MED16: variants seen among roughly 807,000 people sequenced by gnomAD.
MED16 encodes mediator of RNA polymerase II transcription subunit 16.
In MED16, 81 loss-of-function variants were observed where a neutral mutation model predicts 84.4. The observed-to-expected ratio is 0.96, with a 90% confidence interval of 0.80 to 1.15. The LOEUF (loss-of-function observed/expected upper bound fraction) is 1.15. Ranked by LOEUF, MED16 falls within the 50% of genes most tolerant of loss-of-function variation. MED16 has a pLI of 0.00. For missense variants in MED16, 1,585 were observed against 1,245.9 expected, an observed-to-expected ratio of 1.27 and a Z score of -4.10; for synonymous variants, 897 against 552.2, an observed-to-expected ratio of 1.62 and a Z score of -8.76.
At chr19:876,124 G>A (rs886668375) in intron 9 of MED16, among the ~76,000 whole-genome samples, 10 of 152,180 alleles carry the variant, frequency 6.6e-5, no homozygotes, top group African/African-American at 2.2e-4. Context: ...GGCAGGCTGT[G>A]CCGTGAATGG....
chr19:873,778 C>G (rs866023786), intron 10 of MED16, among the ~76,000 whole-genome samples, 196 bp from the exon 11 acceptor site: 5 of 152,194 alleles, frequency 3.3e-5, no homozygotes, highest in East Asian at 1.9e-4. Context: ...TGCCCCCCCC[C>G]GGGGGCCGCT....
chr19:886,130 G>A lies in MED16; in HGVS notation c.519C>T (p.Gly173=), dbSNP rs1015264376. The A allele has an allele frequency of 1.3e-6, 2 of 1,567,840 alleles. No homozygotes were observed. Among genetic ancestry groups the A allele is most frequent in the African/African-American group, 2.7e-5 (2 of 73,734 alleles). Residue 173 remains glycine, a synonymous_variant, in exon 5 of 16, where the codon GGC becomes GGT. Coordinates refer to ENST00000325464, the MANE Select transcript of MED16 (RefSeq NM_005481.3). Reference sequence around the variant, plus strand: ...CCGCGATCCAGCCCTCCATGGGCTTGCCGCCGAACAGCGTGAGCGACGGTG... The same window carrying A: ...CCGCGATCCAGCCCTCCATGGGCTTACCGCCGAACAGCGTGAGCGACGGTG... ...KFSPSLTLFG[G]KPMEGWIAVT...
rs1568331845 is a variant in MED16 at position 886,081 on chromosome 19, CG to C, written c.567del (p.Val190CysfsTer4). The part of the protein sequence containing the change: ...WIAVTVSGLV[T>X]VSLLKPSGQV... Reference sequence around the variant, plus strand: ...TGCCCGCTGGGCTTCAGCAGGGACACGGTGACCAGGCCGCTGACCGTCACCG... The same window carrying C: ...TGCCCGCTGGGCTTCAGCAGGGACACGTGACCAGGCCGCTGACCGTCACCG... On this transcript the variant is annotated frameshift_variant, in exon 5 of 16. Coordinates refer to ENST00000325464, the MANE Select transcript of MED16 (RefSeq NM_005481.3). LOFTEE classifies it high-confidence loss of function. 6.3e-7 allele frequency: 1 copy of C among 1,594,358 alleles called. No homozygotes were observed. Among genetic ancestry groups the C allele is most frequent in the Non-Finnish European group, 8.5e-7 (1 of 1,174,342 alleles).
Position 868,093 on chromosome 19 carries a change from C to G in MED16, c.*8G>C, listed in dbSNP as rs779812234. On this transcript the variant is annotated 3_prime_UTR_variant, in exon 16 of 16. Transcript: ENST00000325464. ...GGTCACCACAAGGTCCGCCTGGACC[C>G]CCGGCCGTCACGGACGGTCCTCTGG... The G allele has an allele frequency of 4.4e-6, 7 of 1,600,324 alleles. No homozygotes were observed. The East Asian group carries it at 1.6e-4, about 36-fold the overall frequency.
intron 1 of MED16, 67 bp downstream of exon 1, chr19:893,019 C>T (rs1427082182): frequency 1.3e-5 from 2 of 152,844 alleles, no homozygotes; most frequent in Non-Finnish European, 2.9e-5. Context: ...CGCCGCGTTC[C>T]CTCGGGTCCG....
At chr19:883,219 GT>G (rs1292165793) in intron 6 of MED16, among the ~76,000 whole-genome samples, 384 of 151,940 alleles carry the variant, frequency 2.5e-3, no homozygotes, top group African/African-American at 9.0e-3. Flanking sequence ...GCTGGGCATG[GT>G]AGGAACCGAA....
In MED16 at chr19:871,959, G is replaced by A. The variant is rs762494867; in HGVS notation, c.2065C>T (p.Leu689Phe). The change falls in exon 12 of 16, where the codon CTC (leucine) becomes TTC (phenylalanine). Residue 689 changes from leucine (L) to phenylalanine (F), a missense_variant. Transcript: ENST00000325464. ...TSDTQDSMSL[L>F]FRLLTKLWIC... ...CAGAGCTTGGTGAGCAGGCGGAAGAGCAGGGACATGCTGTCCTGGGTATCC... is the reference window on the plus strand; with the variant it reads ...CAGAGCTTGGTGAGCAGGCGGAAGAACAGGGACATGCTGTCCTGGGTATCC... 1.0e-5 allele frequency: 16 copies of A among 1,605,844 alleles called. No individual in the cohort carries two copies. The highest frequency in any genetic ancestry group is 2.2e-5 in the South Asian group (2 of 90,746).
In MED16 at chr19:871,126, C is replaced by T. The variant is rs780386131; in HGVS notation, c.2226G>A (p.Leu742=). 13 of 1,548,430 alleles carry T rather than the reference C, an allele frequency of 8.4e-6. No homozygotes were observed. The South Asian group carries it at 1.3e-4, about 16-fold the overall frequency. The change falls in exon 13 of 16, where the codon CTG becomes CTA. Residue 742 remains leucine (L), a synonymous_variant. Transcript: ENST00000325464. Reference sequence around the variant, plus strand: ...GCAGACGAAGGGGCTGCTTGGGCTGCAGGCGGCTAACCAGGCCGTCGCTGG... The same window carrying T: ...GCAGACGAAGGGGCTGCTTGGGCTGTAGGCGGCTAACCAGGCCGTCGCTGG... ...LPASDGLVSR[L]QPKQPLRLQF...
intron 13 of MED16, among the ~76,000 whole-genome samples, chr19:869,674 C>CCCTGGAGGT (rs1238780613): frequency 7.9e-5 from 12 of 152,102 alleles, no homozygotes; most frequent in South Asian, 6.2e-4. Flanking sequence ...GGGGTGCCTT[C>CCCTGGAGGT]CCTGGAGGTC....
rs547345888 is a variant in MED16, at chr19:881,856, G to A, written c.986-142C>T. ...TGCCGCCCTGCTCCCATGCCCAGAA[G>A]ACCAGGCCCGGCCAATCCGAGCGCT... On this transcript the variant is annotated intron_variant, in intron 6 of 15. Coordinates refer to ENST00000325464, the MANE Select transcript of MED16 (RefSeq NM_005481.3). 4.9e-6 allele frequency: 5 copies of A among 1,027,698 alleles called. No individual in the cohort carries two copies. The Admixed American group carries it at 8.0e-5, about 16-fold the overall frequency. 63.7% of individuals were successfully genotyped at this position (1,027,698 alleles called of 1,614,324 possible).
rs747221936 is a variant in MED16, at chr19:875,433, C to T, written c.1582G>A (p.Ala528Thr). The T allele has an allele frequency of 6.2e-7, 1 of 1,603,684 alleles. No individual in the cohort carries two copies. The highest frequency in any genetic ancestry group is 8.5e-7 in the Non-Finnish European group (1 of 1,179,600). Residue 528 changes from alanine to threonine, a missense_variant, in exon 10 of 16, where the codon GCC (alanine) becomes ACC (threonine). Transcript: ENST00000325464. The stretch of plus-strand genomic sequence containing the variant: ...AGCTTGCAGAGCGAGGCCTTCATGG[C>T]CAGGATCCGGGTGGAGAGGACCTGA... ...LQQVLSTRIL[A>T]MKASLCKLSP...
chr19:880,635 C>G (rs1599334213), intron 7 of MED16, among the ~76,000 whole-genome samples: 1 of 152,198 alleles, frequency 6.6e-6, no homozygotes, highest in African/African-American at 2.4e-5. Flanking sequence ...AGAGAGGCTG[C>G]AAAGCCGGGC....
intron 8 of MED16, among the ~76,000 whole-genome samples, chr19:878,536 C>CCT (rs1220868713): frequency 6.3e-5 from 9 of 142,886 alleles, no homozygotes; most frequent in Admixed American, 1.4e-4. Flanking sequence ...CTCACCTTCC[C>CCT]GTGGTTGTCA....
chr19:879,351 C>G (rs1245278016), intron 8 of MED16, among the ~76,000 whole-genome samples: 11 of 147,150 alleles, frequency 7.5e-5, no homozygotes, highest in South Asian at 4.3e-4. Context: ...TCACCTTCCC[C>G]TGGTTGTCAA....
At position 880,271 on chromosome 19, in the gene MED16, C is replaced by T. The variant is rs2145228056; in HGVS notation, c.1142-123G>A. ...GCCCATCCAGGGGGTCAGCCCCCGC[C>T]AATCGGCATCCAGCGCCCGTGCCCC... On this transcript the variant is annotated intron_variant, in intron 7 of 15. Coordinates refer to ENST00000325464, the MANE Select transcript of MED16 (RefSeq NM_005481.3). 4.7e-6 allele frequency: 4 copies of T among 846,252 alleles called. No individual in the cohort carries two copies. The South Asian group carries it at 5.8e-5, about 12-fold the overall frequency. The allele number at this position is 846,252 out of a possible 1,614,324, so 52.4% of individuals were successfully genotyped here. A position where few individuals can be genotyped will look rare whatever the true frequency, so the allele number is the denominator to read the frequency against.
rs761913910 is a variant in MED16 at position 872,088 on chromosome 19, G to T, written c.1936C>A (p.Leu646Met). The T allele has an allele frequency of 1.9e-6, 3 of 1,608,904 alleles. No individual in the cohort carries two copies. The highest frequency in any genetic ancestry group is 2.5e-6 in the Non-Finnish European group (3 of 1,177,864). ...GSLLRPGHSF[L>M]RDGTSLGMLR... is the part of the protein sequence containing the mutation. The stretch of plus-strand genomic sequence containing the variant: ...ATGCCCAGCGAGGTGCCGTCCCGCA[G>T]AAAGCTGTGGCCCGGCCTCAGCAGG... The change falls in exon 12 of 16, where the codon CTG becomes ATG. Residue 646 changes from leucine (L) to methionine (M), a missense_variant. Physicochemically the swap from Leu to Met is conservative, Grantham distance 15. Transcript: ENST00000325464.
chr19:880,887 T>C (rs1309862240), intron 7 of MED16, among the ~76,000 whole-genome samples: 1 of 147,674 alleles, frequency 6.8e-6, no homozygotes, highest in East Asian at 2.0e-4. Flanking sequence ...ATCACACCAC[T>C]GCACTCCAGC....
chr19:884,225 C>G (rs1284719936), intron 6 of MED16, among the ~76,000 whole-genome samples: 1 of 152,224 alleles, frequency 6.6e-6, no homozygotes, highest in Non-Finnish European at 1.5e-5. Flanking sequence ...AAACCAGGCC[C>G]GCAGCCTCCG....
chr19:873,313 G>A (rs1291513665), intron 11 of MED16, 136 bp downstream of exon 11: 7 of 709,952 alleles, frequency 9.9e-6, no homozygotes, highest in African/African-American at 2.0e-5. Flanking sequence ...AAGTAGGGGC[G>A]GGACTCCAAG....
Sources: allele counts gnomAD v4.1 joint callset (sites outside exome capture counted in the v4.1 genomes callset), GRCh38; gene constraint gnomAD v4.1.1; transcripts MANE v1.5; gene names NCBI Gene and HGNC (gene_info 2026-07-23, HGNC 2026-07-21).